TCF7L1: variants seen among roughly 807,000 people sequenced by gnomAD.
TCF7L1 encodes the protein transcription factor 7 like 1.
In TCF7L1, 18 loss-of-function variants were observed where a neutral mutation model predicts 63.7. The ratio of observed to expected loss-of-function variants is 0.28; its 90% CI spans 0.20 to 0.42. The LOEUF is 0.42. Ranked by LOEUF, TCF7L1 falls within the 10% of genes least tolerant of loss-of-function variation. The pLI is 1.00. For synonymous variants in TCF7L1, 355 were observed against 340.9 expected (o/e 1.04, Z -0.46); for missense variants, 654 against 779.3 (o/e 0.84, Z 1.91).
intron 3 of TCF7L1, among the ~76,000 whole-genome samples, chr2:85,138,706 A>G (rs369042123): frequency 3.9e-5 from 6 of 152,268 alleles, no homozygotes; most frequent in South Asian, 2.1e-4. Flanking sequence ...TTGATTTGTT[A>G]TAAGTTTGGA....
intron 3 of TCF7L1, among the ~76,000 whole-genome samples, chr2:85,140,833 C>T (rs1179912555): frequency 2.6e-5 from 4 of 152,032 alleles, no homozygotes; most frequent in African/African-American, 9.7e-5. Flanking sequence ...TGCACTCCAA[C>T]CTGGGCAACA....
intron 3 of TCF7L1, among the ~76,000 whole-genome samples, chr2:85,243,997 G>T (rs1680403264): frequency 6.6e-6 from 1 of 152,202 alleles, no homozygotes; most frequent in African/African-American, 2.4e-5. Flanking sequence ...CCTTCAGTTT[G>T]CTTGTTCATT....
At chr2:85,246,741 ACT>A (rs1246611222) in intron 3 of TCF7L1, among the ~76,000 whole-genome samples, 1 of 150,614 alleles carries the variant, frequency 6.6e-6, no homozygotes, top group African/African-American at 2.4e-5. Flanking sequence ...AATCCTAAGG[ACT>A]CTCAAGCATT....
chr2:85,261,657 T>C (rs1680859272), intron 3 of TCF7L1, among the ~76,000 whole-genome samples: 1 of 152,132 alleles, frequency 6.6e-6, no homozygotes, highest in South Asian at 2.1e-4. Flanking sequence ...TTTGGGAGGC[T>C]GAGGCAGTGG....
At chr2:85,285,160 G>C (rs906112672) in intron 4 of TCF7L1, among the ~76,000 whole-genome samples, 6 of 152,072 alleles carry the variant, frequency 3.9e-5, no homozygotes, top group African/African-American at 1.4e-4. Flanking sequence ...GTGAACCCCG[G>C]AGGCGGAGCT....
At position 85,144,891 on chromosome 2, in the gene TCF7L1, T is replaced by G. The variant is rs62162832; in HGVS notation, c.441+10441T>G. 2.3e-3 allele frequency among the ~76,000 whole-genome samples: 350 copies of G among 151,814 alleles called. 1 individual carries two copies. The highest frequency in any genetic ancestry group is 4.0e-3 in the Non-Finnish European group (269 of 67,924). On this transcript the variant is annotated intron_variant, in intron 3 of 11. Transcript: ENST00000282111. The stretch of plus-strand genomic sequence containing the variant: ...TTGAGGTCATGATTTCAAGACTAGC[T>G]TGGCCACCATGGTGAAACCCCGTCT...
At chr2:85,139,518 A>G (rs185102675) in intron 3 of TCF7L1, among the ~76,000 whole-genome samples, 45 of 152,344 alleles carry the variant, frequency 3.0e-4, no homozygotes, top group Non-Finnish European at 5.7e-4. Flanking sequence ...AAGCATTTTC[A>G]TAATAGAAAT....
intron 3 of TCF7L1, among the ~76,000 whole-genome samples, chr2:85,217,662 T>G (rs1679740414): frequency 6.6e-6 from 1 of 152,196 alleles, no homozygotes. Context: ...CATGATTCCC[T>G]TCTGTACTCC....
At chr2:85,245,537 G>T (rs1243083760) in intron 3 of TCF7L1, among the ~76,000 whole-genome samples, 2 of 152,180 alleles carry the variant, frequency 1.3e-5, no homozygotes, top group Non-Finnish European at 2.9e-5. Context: ...ACCGGGCCAG[G>T]CACGGTGGCT....
chr2:85,184,099 G>A (rs2075841063), intron 3 of TCF7L1, among the ~76,000 whole-genome samples: 1 of 152,174 alleles, frequency 6.6e-6, no homozygotes, highest in South Asian at 2.1e-4. Flanking sequence ...TTGTCTTGGG[G>A]TATGTAGGCA....
intron 3 of TCF7L1, among the ~76,000 whole-genome samples, chr2:85,246,976 G>T (rs1284349503): frequency 6.6e-6 from 1 of 152,230 alleles, no homozygotes; most frequent in Middle Eastern, 3.2e-3. Flanking sequence ...TTCCACTGGA[G>T]TGGGAGGTTT....
intron 3 of TCF7L1, among the ~76,000 whole-genome samples, chr2:85,188,262 T>TACAC (rs145628618): frequency 2.4e-4 from 36 of 151,656 alleles, no homozygotes; most frequent in African/African-American, 7.0e-4. Flanking sequence ...GGGCTACACA[T>TACAC]ACACACACAC....
chr2:85,308,450 TCC>T (rs1558663519), intron 11 of TCF7L1, among the ~76,000 whole-genome samples: 11 of 64,554 alleles, frequency 1.7e-4, no homozygotes, highest in African/African-American at 7.2e-4. Flanking sequence ...CCTTTCTCTT[TCC>T]CTCCCTCTCT....
At chr2:85,168,996 A>T (rs1678486835) in intron 3 of TCF7L1, among the ~76,000 whole-genome samples, 1 of 152,142 alleles carries the variant, frequency 6.6e-6, no homozygotes, top group African/African-American at 2.4e-5. Flanking sequence ...TAAATCTGAG[A>T]ACCTCCTGCC....
intron 3 of TCF7L1, among the ~76,000 whole-genome samples, chr2:85,191,669 A>G (rs184100475): frequency 5.3e-5 from 8 of 152,164 alleles, no homozygotes; most frequent in Non-Finnish European, 1.2e-4. Flanking sequence ...TACTAAAAAT[A>G]CAAAGATTAG....
At chr2:85,147,643 G>A (rs1468233278) in intron 3 of TCF7L1, among the ~76,000 whole-genome samples, 1 of 152,168 alleles carries the variant, frequency 6.6e-6, no homozygotes, top group East Asian at 1.9e-4. Context: ...GCATTAAGGT[G>A]TAGCCCCTGT....
At chr2:85,280,832 G>A (rs1009429882) in intron 3 of TCF7L1, among the ~76,000 whole-genome samples, 3 of 152,132 alleles carry the variant, frequency 2.0e-5, no homozygotes, top group African/African-American at 7.2e-5. Context: ...CAGAGAAGGA[G>A]AGAGAAAACA....
At chr2:85,248,129 G>C (rs1050519700) in intron 3 of TCF7L1, among the ~76,000 whole-genome samples, 14 of 152,084 alleles carry the variant, frequency 9.2e-5, no homozygotes, top group Non-Finnish European at 1.9e-4. Context: ...AAATCTTTAG[G>C]CTTTACTGGT....
At position 85,134,427 on chromosome 2, in the gene TCF7L1, C is replaced by T. The variant is rs748701059; in HGVS notation, c.418C>T (p.Leu140=). ...CAGCCCGTACCTCTCCAACGGACCC[C>T]TGTCTCCCGGAGGAGCGCGCACCGT... ...LSSPYLSNGP[L]SPGGARTYLQ... is the part of the protein sequence containing the mutation. Residue 140 remains leucine (L), a synonymous_variant, in exon 3 of 12, where the codon CTG becomes TTG. Coordinates refer to ENST00000282111, the MANE Select transcript of TCF7L1 (RefSeq NM_031283.3). This position sits in a 1 kb window ranked among gnomAD's most constrained non-coding sequence, Gnocchi z 5.0. The T allele has an allele frequency of 1.2e-5, 19 of 1,560,086 alleles. No individual in the cohort carries two copies. Among genetic ancestry groups the T allele is most frequent in the African/African-American group, 9.5e-5 (7 of 73,460 alleles).
Sources: allele counts gnomAD v4.1 joint callset (sites outside exome capture counted in the v4.1 genomes callset), GRCh38; gene constraint gnomAD v4.1.1; non-coding constraint Gnocchi (gnomAD v3.1); transcripts MANE v1.5; gene names NCBI Gene and HGNC (gene_info 2026-07-23, HGNC 2026-07-21).